Variants in CTNNA3 observed in about 807,000 individuals in gnomAD.
CTNNA3 encodes the protein catenin alpha 3, also known as catenin alpha-3.
CTNNA3 carries 76 observed loss-of-function variants against 95.7 expected under a neutral mutation model. The ratio of observed to expected loss-of-function variants is 0.79; its 90% CI spans 0.66 to 0.96. CTNNA3 has a LOEUF of 0.96. Among genes scored for constraint, CTNNA3 ranks in the 40% least tolerant of loss-of-function variants. The pLI, the probability that CTNNA3 is intolerant of heterozygous loss-of-function variation, is 0.00. For missense variants in CTNNA3, 1,191 were observed against 1,089.8 expected, an observed-to-expected ratio of 1.09 and a Z score of -1.31; for synonymous variants, 431 against 374.4, an observed-to-expected ratio of 1.15 and a Z score of -1.74.
intron 10 of CTNNA3, among the ~76,000 whole-genome samples, chr10:66,575,231 T>C (rs1589441128): frequency 6.6e-6 from 1 of 152,216 alleles, no homozygotes; most frequent in East Asian, 1.9e-4. Flanking sequence ...TTCTGTGAGG[T>C]AAATGTAACT....
intron 12 of CTNNA3, among the ~76,000 whole-genome samples, chr10:66,338,304 G>C (rs2092418021): frequency 6.6e-6 from 1 of 151,950 alleles, no homozygotes; most frequent in South Asian, 2.1e-4. Flanking sequence ...AGGTCGGAAG[G>C]ATTAATAGCA....
At chr10:67,172,365 TAGA>T (rs1862057004) in intron 7 of CTNNA3, among the ~76,000 whole-genome samples, 1 of 152,222 alleles carries the variant, frequency 6.6e-6, no homozygotes, top group Non-Finnish European at 1.5e-5. Flanking sequence ...ACAGTGTTTA[TAGA>T]AGAATTATGT....
intron 15 of CTNNA3, among the ~76,000 whole-genome samples, chr10:66,010,628 A>G (rs2078988299): frequency 6.6e-6 from 1 of 152,186 alleles, no homozygotes; most frequent in African/African-American, 2.4e-5. Context: ...TTTTATAGCA[A>G]CCAATTTTCC....
At chr10:67,552,505 T>C (rs560350386) in intron 3 of CTNNA3, among the ~76,000 whole-genome samples, 2 of 151,938 alleles carry the variant, frequency 1.3e-5, no homozygotes, top group East Asian at 3.9e-4. Flanking sequence ...CTTGTGTGTC[T>C]GCCTGCTAGA....
intron 7 of CTNNA3, among the ~76,000 whole-genome samples, chr10:66,904,904 C>T (rs866362087): frequency 1.4e-4 from 22 of 152,204 alleles, no homozygotes; most frequent in African/African-American, 3.9e-4. Flanking sequence ...GAAATAGGAA[C>T]GCTTTTACAC....
Position 66,117,615 on chromosome 10 carries a change from G to T in CTNNA3, c.1885-14366C>A, listed in dbSNP as rs540926379. Among the ~76,000 whole-genome samples, 42 of 152,222 alleles carry T rather than the reference G, an allele frequency of 2.8e-4. No homozygotes were observed. The South Asian group carries it at 7.5e-3, about 27-fold the overall frequency. ...AAACATTGCAGCTTTTAGTAAGCAT[G>T]CTACCAAATGTAGGCTTTTCTATAT... On this transcript the variant is annotated intron_variant, in intron 13 of 17. Coordinates refer to ENST00000433211, the MANE Select transcript of CTNNA3 (RefSeq NM_013266.4).
At chr10:67,248,913 G>T (rs919333862) in intron 5 of CTNNA3, among the ~76,000 whole-genome samples, 5 of 152,122 alleles carry the variant, frequency 3.3e-5, no homozygotes, top group African/African-American at 9.7e-5. Context: ...CATTGCCAAG[G>T]TCTGATTGCA....
intron 7 of CTNNA3, among the ~76,000 whole-genome samples, chr10:67,050,094 C>T (rs934533070): frequency 5.3e-5 from 8 of 152,198 alleles, no homozygotes; most frequent in East Asian, 3.9e-4. Flanking sequence ...AGCTAATATA[C>T]ATTTCCTTCC....
At chr10:66,336,132 C>T (rs1437667243) in intron 12 of CTNNA3, among the ~76,000 whole-genome samples, 1 of 152,034 alleles carries the variant, frequency 6.6e-6, no homozygotes, top group Non-Finnish European at 1.5e-5. Context: ...CGTCTGTCAC[C>T]CCTTTCTTTG....
At chr10:66,869,407 G>C (rs545498072) in intron 7 of CTNNA3, among the ~76,000 whole-genome samples, 26 of 151,960 alleles carry the variant, frequency 1.7e-4, no homozygotes, top group African/African-American at 6.0e-4. Context: ...AACCTCATCT[G>C]TATTAAAATA....
chr10:67,336,364 A>G (rs368967592), intron 5 of CTNNA3, among the ~76,000 whole-genome samples: 179 of 152,318 alleles, frequency 1.2e-3, no homozygotes, highest in African/African-American at 4.0e-3. Context: ...TTTCAATTCT[A>G]TGAAGGCTCA....
intron 16 of CTNNA3, among the ~76,000 whole-genome samples, chr10:65,984,583 C>T (rs989269446): frequency 3.3e-5 from 5 of 149,680 alleles, no homozygotes; most frequent in African/African-American, 1.2e-4. Flanking sequence ...TCTCCCATAC[C>T]ATTTGAATAA....
At chr10:66,771,312 A>C (rs4304650) in intron 8 of CTNNA3, among the ~76,000 whole-genome samples, 129,277 of 152,098 alleles carry the variant, frequency 0.85, 55,242 homozygotes, top group East Asian at 1. Flanking sequence ...GTATAGTAAA[A>C]TAGAAATAAG....
At chr10:67,319,643 C>T (rs898081393) in intron 5 of CTNNA3, among the ~76,000 whole-genome samples, 3 of 151,980 alleles carry the variant, frequency 2.0e-5, no homozygotes, top group South Asian at 2.1e-4. Flanking sequence ...CACCTGTAAT[C>T]GCAACACTTT....
chr10:67,213,726 A>G (rs1171763747), intron 6 of CTNNA3, among the ~76,000 whole-genome samples: 2 of 151,830 alleles, frequency 1.3e-5, no homozygotes, highest in African/African-American at 2.4e-5. Flanking sequence ...TGGTTTTCAA[A>G]AAAGATTCCA....
In CTNNA3 at chr10:66,867,215, C is replaced by A. The variant is rs115682150; in HGVS notation, c.1048-91691G>T. On this transcript the variant is annotated intron_variant, in intron 7 of 17. Coordinates refer to ENST00000433211, the MANE Select transcript of CTNNA3 (RefSeq NM_013266.4). ...TAACTATATACATTTTCATTATCTT[C>A]AGCATGCAAGTTTTCTCTCTGAAAC... Among the ~76,000 whole-genome samples the A allele has an allele frequency of 2.7e-3, 412 of 152,280 alleles. 2 individuals carry two copies. Among genetic ancestry groups the A allele is most frequent in the African/African-American group, 9.4e-3 (392 of 41,546 alleles).
At chr10:66,209,011 G>A (rs1046469145) in intron 13 of CTNNA3, among the ~76,000 whole-genome samples, 2 of 151,990 alleles carry the variant, frequency 1.3e-5, no homozygotes, top group African/African-American at 4.8e-5. Flanking sequence ...AATATACCAT[G>A]TATAAATACA....
At chr10:65,937,243 C>A (rs543188116) in intron 17 of CTNNA3, among the ~76,000 whole-genome samples, 4 of 152,026 alleles carry the variant, frequency 2.6e-5, no homozygotes, top group Admixed American at 6.5e-5. Flanking sequence ...GAGTTGTTTC[C>A]CTTTCTTTAA....
In CTNNA3 at chr10:67,667,698, T is replaced by C. The variant is rs77055534; in HGVS notation, c.-5-20180A>G. ...TGAAAGAAACTGCTCTATAAGATCG[T>C]CTCTCATACTCAAATGTGGCAGTTT... On this transcript the variant is annotated intron_variant, in intron 1 of 17. Coordinates refer to ENST00000433211, the MANE Select transcript of CTNNA3 (RefSeq NM_013266.4). Among the ~76,000 whole-genome samples, 986 of 152,252 alleles carry C rather than the reference T, an allele frequency of 6.5e-3. 32 individuals are homozygous for C. The East Asian group carries it at 0.098, about 15-fold the overall frequency.
Sources: gnomAD v4.1 joint callset for allele counts (sites outside exome capture counted in the v4.1 genomes callset) on GRCh38, gnomAD v4.1.1 for gene constraint, MANE v1.5 for transcripts, NCBI Gene and HGNC (gene_info 2026-07-23, HGNC 2026-07-21) for gene names.